The following KDM2B variants were observed in gnomAD, a reference collection of about 807,000 sequenced individuals.
KDM2B encodes the protein lysine demethylase 2B, also known as lysine-specific demethylase 2B.
A neutral mutation model predicts 150.0 loss-of-function variants in KDM2B; 26 were observed. That is an observed-to-expected ratio of 0.17 (90% CI 0.13 to 0.24). The LOEUF (loss-of-function observed/expected upper bound fraction) is 0.24, where lower values mean the gene tolerates loss of function less well. Among genes scored for constraint, KDM2B ranks in the 10% least tolerant of loss-of-function variants. KDM2B has a pLI of 1.00. For missense variants in KDM2B, 1,265 were observed against 1,816.9 expected, an observed-to-expected ratio of 0.70 and a Z score of 5.52; for synonymous variants, 734 against 729.5, an observed-to-expected ratio of 1.01 and a Z score of -0.10.
At chr12:121,554,303 T>C (rs1190412272) in intron 4 of KDM2B, among the ~76,000 whole-genome samples, 3 of 152,190 alleles carry the variant, frequency 2.0e-5, no homozygotes, top group Non-Finnish European at 4.4e-5. Flanking sequence ...TGAAACTTTT[T>C]ACTTTTTTAA....
rs542075116 is a variant in KDM2B, at chr12:121,530,176, C to T, written c.931+2630G>A. 5.5e-5 allele frequency among the ~76,000 whole-genome samples: 8 copies of T among 145,736 alleles called. No homozygotes were observed. In the South Asian group the frequency reaches 1.5e-3, roughly 28 times the overall value. On this transcript the variant is annotated intron_variant, in intron 8 of 22. Coordinates refer to ENST00000377071, the MANE Select transcript of KDM2B (RefSeq NM_032590.5). ...CCGGGAGGCGGAGCTTGCAGTGAGCCGAGATTGCGCCACTGCACTCCAGCC... is the reference window on the plus strand; with the variant it reads ...CCGGGAGGCGGAGCTTGCAGTGAGCTGAGATTGCGCCACTGCACTCCAGCC...
chr12:121,564,073 C>A (rs782814001), intron 4 of KDM2B, among the ~76,000 whole-genome samples: 6 of 151,854 alleles, frequency 4.0e-5, no homozygotes, highest in Non-Finnish European at 7.4e-5. Context: ...TGTAATCACA[C>A]AACTGGACTC....
rs141596216 is a variant in KDM2B at position 121,435,016 on chromosome 12, C to A, written c.3830-4547G>T. On this transcript the variant is annotated intron_variant, in intron 22 of 22. Transcript: ENST00000377071. Reference sequence around the variant, plus strand: ...GACTTTGCAAAGATTGATATGACACCAAAATCACAGCCAACAAAGGGAAAA... The same window carrying A: ...GACTTTGCAAAGATTGATATGACACAAAAATCACAGCCAACAAAGGGAAAA... Among the ~76,000 whole-genome samples, 256 of 136,928 alleles carry A rather than the reference C, an allele frequency of 1.9e-3. 4 individuals are homozygous for A. The East Asian group carries it at 0.033, about 17-fold the overall frequency. The allele number at this position is 136,928 out of a possible 152,430, so 89.8% of individuals were successfully genotyped here.
chr12:121,556,599 C>A (rs1352924855), intron 4 of KDM2B, among the ~76,000 whole-genome samples: 1 of 152,086 alleles, frequency 6.6e-6, no homozygotes, highest in Non-Finnish European at 1.5e-5. Context: ...GCCTGTAATC[C>A]CAGCACTTTG....
Position 121,575,663 on chromosome 12 carries a change from G to GA in KDM2B, c.350+117dup. On this transcript the variant is annotated intron_variant, in intron 3 of 22. Transcript: ENST00000377071. The surrounding 1 kb of genome is among the most constrained non-coding windows in gnomAD (Gnocchi z 4.4). ...CAAGGAGATGCTGTTCCCAGATCGTGAAAAAAGATCCTTCTCAGTGATGAG... is the reference window on the plus strand; with the variant it reads ...CAAGGAGATGCTGTTCCCAGATCGTGAAAAAAAGATCCTTCTCAGTGATGAG... The GA allele has an allele frequency of 1.3e-6, 1 of 777,090 alleles. No homozygotes were observed. Among genetic ancestry groups the GA allele is most frequent in the Admixed American group, 1.9e-5 (1 of 51,646 alleles). 48.1% of individuals were successfully genotyped at this position (777,090 alleles called of 1,614,324 possible).
At position 121,513,497 on chromosome 12, in the gene KDM2B, G is replaced by T; in HGVS notation, c.1048-95C>A. 1.4e-6 allele frequency: 2 copies of T among 1,398,528 alleles called. No homozygotes were observed. Among genetic ancestry groups the T allele is most frequent in the Non-Finnish European group, 2.0e-6 (2 of 1,001,302 alleles). 86.6% of individuals were successfully genotyped at this position (1,398,528 alleles called of 1,614,324 possible). ...GCGGGGCAGGCTCCCTGCAGGTGAG[G>T]GTCACTGTCATCATCTTAGCGAGAG... On this transcript the variant is annotated intron_variant, in intron 9 of 22. Transcript: ENST00000377071. This position sits in a 1 kb window ranked among gnomAD's most constrained non-coding sequence, Gnocchi z 5.0.
chr12:121,574,712 T>C, intron 3 of KDM2B, 119 bp from the exon 4 acceptor site: 1 of 872,200 alleles, frequency 1.1e-6, no homozygotes, highest in Non-Finnish European at 1.8e-6. Context: ...GTTTGGGAAC[T>C]CAAAATGAGA....
chr12:121,485,431 G>C (rs1401087429), intron 12 of KDM2B, among the ~76,000 whole-genome samples: 2 of 152,092 alleles, frequency 1.3e-5, no homozygotes, highest in African/African-American at 4.8e-5. Flanking sequence ...AGAAGCATCC[G>C]ATTGTCCTAT....
intron 12 of KDM2B, among the ~76,000 whole-genome samples, chr12:121,477,249 T>C (rs1342485697): frequency 6.6e-6 from 1 of 152,016 alleles, no homozygotes; most frequent in Non-Finnish European, 1.5e-5. Flanking sequence ...TTTTTTTATT[T>C]TTTGTGGAGG....
At chr12:121,512,770 G>A (rs1166641587) in intron 10 of KDM2B, among the ~76,000 whole-genome samples, 1 of 152,156 alleles carries the variant, frequency 6.6e-6, no homozygotes, top group Non-Finnish European at 1.5e-5. Flanking sequence ...GCGCTGCAGC[G>A]GCTCCAAACA....
rs1405441547 is a variant in KDM2B, at chr12:121,575,187, G to A, written c.350+594C>T. On this transcript the variant is annotated intron_variant, in intron 3 of 22. Transcript: ENST00000377071. The surrounding 1 kb of genome is among the most constrained non-coding windows in gnomAD (Gnocchi z 4.4). ...CAGATGCTGGAGAGAGGCTGCCTGG[G>A]ACGACACCCCAAGCCTCCTCCCCTG... Among the ~76,000 whole-genome samples, 1 of 152,202 alleles carries A rather than the reference G, an allele frequency of 6.6e-6. No homozygotes were observed. The highest frequency in any genetic ancestry group is 1.5e-5 in the Non-Finnish European group (1 of 68,018).
chr12:121,446,313 G>T (rs1196460610), intron 13 of KDM2B, among the ~76,000 whole-genome samples: 1 of 152,188 alleles, frequency 6.6e-6, no homozygotes, highest in Non-Finnish European at 1.5e-5. Flanking sequence ...CAGGAGAATG[G>T]CGTGAACCCG....
Position 121,442,624 on chromosome 12 carries a change from C to G in KDM2B, c.2817G>C (p.Arg939=). Residue 939 remains arginine (R), a synonymous_variant, in exon 19 of 23, where the codon CGG becomes CGC. Transcript: ENST00000377071. This position sits in a 1 kb window ranked among gnomAD's most constrained non-coding sequence, Gnocchi z 7.7. ...EKKKVKMRRK[R]RLPNKELSRE... ...TGCTCAGCTCCTTGTTGGGAAGCCG[C>G]CGCTTCCGGCGCATCTTCACCTTCT... The G allele has an allele frequency of 6.2e-7, 1 of 1,603,126 alleles. No individual in the cohort carries two copies. Among genetic ancestry groups the G allele is most frequent in the Non-Finnish European group, 8.5e-7 (1 of 1,179,050 alleles).
chr12:121,504,065 CAGTA>C (rs1411990648), intron 11 of KDM2B, among the ~76,000 whole-genome samples: 1 of 152,224 alleles, frequency 6.6e-6, no homozygotes. Flanking sequence ...ACTTCCATCA[CAGTA>C]AGTGTCTATA....
chr12:121,491,563 T>C (rs569864796), intron 12 of KDM2B, among the ~76,000 whole-genome samples: 88 of 151,282 alleles, frequency 5.8e-4, no homozygotes, highest in African/African-American at 1.9e-3. Context: ...GAGGCCGAGG[T>C]GGGCACATCA....
At chr12:121,580,180 A>T in intron 1 of KDM2B, 1 of 1,531,686 alleles carries the variant, frequency 6.5e-7, no homozygotes, top group South Asian at 1.3e-5. Flanking sequence ...CAGAGCCGAG[A>T]TCTACAAAGT....
intron 4 of KDM2B, among the ~76,000 whole-genome samples, chr12:121,559,611 C>A (rs1356043712): frequency 6.6e-6 from 1 of 151,976 alleles, no homozygotes; most frequent in Non-Finnish European, 1.5e-5. Context: ...TAAAATGCAG[C>A]TCAACCAGGC....
At position 121,430,652 on chromosome 12, in the gene KDM2B, C is replaced by T; in HGVS notation, c.3830-183G>A. ...CTCTTCTTCAAACGGGGAAGGGTCT[C>T]ACCCGCCAGGTATAAAGGTTAATAT... On this transcript the variant is annotated intron_variant, in intron 22 of 22. Coordinates refer to ENST00000377071, the MANE Select transcript of KDM2B (RefSeq NM_032590.5). This position sits in a 1 kb window ranked among gnomAD's most constrained non-coding sequence, Gnocchi z 4.4. 1 of 601,930 alleles carries T rather than the reference C, an allele frequency of 1.7e-6. No homozygotes were observed. The highest frequency in any genetic ancestry group is 2.0e-5 in the South Asian group (1 of 49,704). 37.3% of individuals were successfully genotyped at this position (601,930 alleles called of 1,614,324 possible). A position where few individuals can be genotyped will look rare whatever the true frequency, so the allele number is the denominator to read the frequency against.
chr12:121,448,323 A>G (rs1876649619), intron 13 of KDM2B, among the ~76,000 whole-genome samples: 1 of 129,854 alleles, frequency 7.7e-6, no homozygotes, highest in Non-Finnish European at 1.5e-5. Flanking sequence ...CTGTCTCAAA[A>G]AAAAAAAAAA....
Sources: allele counts gnomAD v4.1 joint callset (sites outside exome capture counted in the v4.1 genomes callset), GRCh38; gene constraint gnomAD v4.1.1; non-coding constraint Gnocchi (gnomAD v3.1); transcripts MANE v1.5; gene names NCBI Gene and HGNC (gene_info 2026-07-23, HGNC 2026-07-21).